The following APLN variants were observed in gnomAD, a reference collection of about 807,000 sequenced individuals.
APLN encodes the protein AGTRL1 ligand.
Under a neutral mutation model 4.3 loss-of-function variants are expected in APLN, and 2 were observed. The ratio of observed to expected loss-of-function variants is 0.46; its 90% CI spans 0.19 to 1.45. APLN has a LOEUF of 1.45. APLN is among the 40% of genes most tolerant of loss of function. The pLI is 0.25. For synonymous variants in APLN, 34 were observed against 30.4 expected (o/e 1.12, Z -0.38); for missense variants, 80 against 70.0 (o/e 1.14, Z -0.51).
At position 129,647,396 on chromosome X, in the gene APLN, A is replaced by G. The variant is rs1226555476; in HGVS notation, c.*527T>C. The G allele has an allele frequency of 1.6e-5, 4 of 256,068 alleles. No homozygotes were observed. The highest frequency in any genetic ancestry group is 4.4e-5 in the South Asian group (1 of 22,925). The allele number at this position is 256,068 out of a possible 1,213,427, so 21.1% of individuals were successfully genotyped here. A position where few individuals can be genotyped will look rare whatever the true frequency, so the allele number is the denominator to read the frequency against. ...CCACCCTGGCACTTCCATGCCCCCA[A>G]TGTGCCCTGTCTGGATCCCCGCAGC... On this transcript the variant is annotated 3_prime_UTR_variant, in exon 3 of 3. Coordinates refer to ENST00000429967, the MANE Select transcript of APLN (RefSeq NM_017413.5).
In APLN at chrX:129,647,692, C is replaced by G; in HGVS notation, c.*231G>C. ...TCTCCAAAGTCAGTCCAGGGAGGGGCCAGGAAGATGGACTGGACGGATTCT... is the reference window on the plus strand; with the variant it reads ...TCTCCAAAGTCAGTCCAGGGAGGGGGCAGGAAGATGGACTGGACGGATTCT... On this transcript the variant is annotated 3_prime_UTR_variant, in exon 3 of 3. Coordinates refer to ENST00000429967, the MANE Select transcript of APLN (RefSeq NM_017413.5). The G allele has an allele frequency of 1.0e-6, 1 of 982,651 alleles. No individual in the cohort carries two copies. Among genetic ancestry groups the G allele is most frequent in the South Asian group, 2.0e-5 (1 of 50,484 alleles). 81.0% of individuals were successfully genotyped at this position (982,651 alleles called of 1,213,427 possible).
At chrX:129,648,837 C>T (rs776151260) in intron 1 of APLN, 45 bp from the exon 2 acceptor site, 51 of 1,102,954 alleles carry the variant, frequency 4.6e-5, no homozygotes, top group South Asian at 1.5e-4. Flanking sequence ...TTGTTGGAAA[C>T]GGGCAGGGGC....
chrX:129,645,971 CT>C lies in APLN; in HGVS notation c.*1951del, dbSNP rs1482580496. 1 of 112,395 alleles carries C rather than the reference CT, an allele frequency of 8.9e-6. No homozygotes were observed. The highest frequency in any genetic ancestry group is 3.2e-5 in the African/African-American group (1 of 30,861). The allele number at this position is 112,395 out of a possible 1,213,427, so 9.3% of individuals were successfully genotyped here. On this transcript the variant is annotated 3_prime_UTR_variant, in exon 3 of 3. Transcript: ENST00000429967. ...AACCACTTTAAATAAGGCAGCCCCC[CT>C]AGCCCACCCACTACCCTCTTCTGTT...
At chrX:129,648,317 C>G (rs746976164) in intron 2 of APLN, among the ~76,000 whole-genome samples, 1 of 112,402 alleles carries the variant, frequency 8.9e-6, no homozygotes, top group Non-Finnish European at 1.9e-5. Context: ...CATTAAGGTC[C>G]ACCAGGATGT....
chrX:129,648,384 G>C (rs968806239), intron 2 of APLN, among the ~76,000 whole-genome samples: 7 of 112,604 alleles, frequency 6.2e-5, no homozygotes, highest in Non-Finnish European at 1.3e-4. Context: ...GTGGAAGGGA[G>C]ACTGGCCCCA....
chrX:129,654,457 T>A (rs1240089283), intron 1 of APLN, 107 bp downstream of exon 1: 1 of 767,126 alleles, frequency 1.3e-6, no homozygotes, highest in Non-Finnish European at 1.7e-6. Flanking sequence ...TGGCTGCTAC[T>A]GCACGGCTCG....
rs774968940 is a variant in APLN, at chrX:129,648,396, G to A, written c.*5+225C>T. 1.9e-3 allele frequency among the ~76,000 whole-genome samples: 216 copies of A among 112,604 alleles called. 1 individual carries two copies. Among genetic ancestry groups the A allele is most frequent in the Non-Finnish European group, 3.3e-3 (177 of 53,232 alleles). ...AGGGTGGAAGGGAGACTGGCCCCAA[G>A]TATCAAGCCCCTCTCTAGGCCTCAG... On this transcript the variant is annotated intron_variant, in intron 2 of 2. Coordinates refer to ENST00000429967, the MANE Select transcript of APLN (RefSeq NM_017413.5).
In APLN at chrX:129,648,760, G is replaced by C; in HGVS notation, c.100C>G (p.Leu34Val). 1 of 1,173,675 alleles carries C rather than the reference G, an allele frequency of 8.5e-7. No homozygotes were observed. The highest frequency in any genetic ancestry group is 1.9e-5 in the South Asian group (1 of 52,723). Residue 34 changes from leucine (L) to valine (V), a missense_variant, in exon 2 of 3, where the codon CTG becomes GTG. Coordinates refer to ENST00000429967, the MANE Select transcript of APLN (RefSeq NM_017413.5). ...SLMPLPDGNG[L>V]EDGNVRHLVQ... ...AGGTGGCGGACATTGCCGTCTTCCA[G>C]CCCATTCCCATCGGGAAGCGGCATC... is the stretch of plus-strand genomic sequence containing the variant.
chrX:129,651,920 C>T (rs895014428), intron 1 of APLN, among the ~76,000 whole-genome samples: 2 of 112,141 alleles, frequency 1.8e-5, no homozygotes, highest in Non-Finnish European at 3.8e-5. Context: ...GTCGCCTTCT[C>T]CAGGGCCCTG....
At chrX:129,653,146 C>T (rs1474968261) in intron 1 of APLN, among the ~76,000 whole-genome samples, 4 of 112,764 alleles carry the variant, frequency 3.5e-5, no homozygotes, top group Non-Finnish European at 7.5e-5. Flanking sequence ...TGGTGGCTCA[C>T]TTCGTGTTCA....
chrX:129,649,626 G>C (rs886732992), intron 1 of APLN, among the ~76,000 whole-genome samples: 2 of 112,002 alleles, frequency 1.8e-5, no homozygotes, highest in Non-Finnish European at 3.8e-5. Context: ...CTGTGCACCA[G>C]GAGGGGGGTG....
At chrX:129,654,492 A>G in intron 1 of APLN, 72 bp downstream of exon 1, 1 of 1,015,298 alleles carries the variant, frequency 9.8e-7, no homozygotes, top group Non-Finnish European at 1.3e-6. Context: ...GGAGGCGGGG[A>G]GAGTGCGAAT....
At chrX:129,648,473 C>G (rs1473666401) in intron 2 of APLN, 148 bp downstream of exon 2, 4 of 675,317 alleles carry the variant, frequency 5.9e-6, no homozygotes, top group African/African-American at 4.4e-5. Flanking sequence ...CCCATAAGCT[C>G]TCTTGCCAGC....
chrX:129,647,884 C>A lies in APLN; in HGVS notation c.*39G>T, dbSNP rs779376339. 2.0e-6 allele frequency: 2 copies of A among 983,036 alleles called. No individual in the cohort carries two copies. The highest frequency in any genetic ancestry group is 4.0e-5 in the South Asian group (2 of 50,525). 81.0% of individuals were successfully genotyped at this position (983,036 alleles called of 1,213,427 possible). On this transcript the variant is annotated 3_prime_UTR_variant, in exon 3 of 3. Coordinates refer to ENST00000429967, the MANE Select transcript of APLN (RefSeq NM_017413.5). ...GACCAATCTATGGAGGAGACATAACCGCCGGGGGTGGGCACTTGGGGGCCC... is the reference window on the plus strand; with the variant it reads ...GACCAATCTATGGAGGAGACATAACAGCCGGGGGTGGGCACTTGGGGGCCC...
rs190224032 is a variant in APLN, at chrX:129,654,000, G to A, written c.67+564C>T. On this transcript the variant is annotated intron_variant, in intron 1 of 2. Coordinates refer to ENST00000429967, the MANE Select transcript of APLN (RefSeq NM_017413.5). ...CTGCCTCTGCTCACACATGCAGGCC[G>A]AAAGGAGCAACAGCTGGGCTCCATG... Among the ~76,000 whole-genome samples, 8 of 112,487 alleles carry A rather than the reference G, an allele frequency of 7.1e-5. No homozygotes were observed. In the East Asian group the frequency reaches 1.7e-3, roughly 24 times the overall value.
chrX:129,654,069 C>G (rs765805651), intron 1 of APLN, among the ~76,000 whole-genome samples: 1 of 113,253 alleles, frequency 8.8e-6, no homozygotes, highest in African/African-American at 3.2e-5. Flanking sequence ...ACAAGTGTCA[C>G]GTCTGCATGT....
chrX:129,648,502 T>C, intron 2 of APLN, 119 bp downstream of exon 2: 1 of 867,629 alleles, frequency 1.2e-6, no homozygotes, highest in Non-Finnish European at 1.6e-6. Flanking sequence ...TCTGTGAGTG[T>C]GGCGCCAGGA....
rs1457299101 is a variant in APLN, at chrX:129,654,691, C to T, written c.-61G>A. 3.5e-5 allele frequency: 33 copies of T among 936,726 alleles called. No homozygotes were observed. The highest frequency in any genetic ancestry group is 6.3e-5 in the African/African-American group (3 of 47,800). The allele number at this position is 936,726 out of a possible 1,213,427, so 77.2% of individuals were successfully genotyped here. Reference sequence around the variant, plus strand: ...GCGCGGGGGAGGAGAGGTCGGGCGCCCGGAGGCCAAGAAAGGCGCGAGCCG... The same window carrying T: ...GCGCGGGGGAGGAGAGGTCGGGCGCTCGGAGGCCAAGAAAGGCGCGAGCCG... On this transcript the variant is annotated 5_prime_UTR_variant, in exon 1 of 3. Coordinates refer to ENST00000429967, the MANE Select transcript of APLN (RefSeq NM_017413.5).
chrX:129,652,285 C>T (rs1050224016), intron 1 of APLN, among the ~76,000 whole-genome samples: 9 of 111,186 alleles, frequency 8.1e-5, no homozygotes, highest in African/African-American at 3.0e-4. Context: ...GAGGAGTGTA[C>T]GTGGTGGTAG....
Sources: gnomAD v4.1 joint callset for allele counts (sites outside exome capture counted in the v4.1 genomes callset) on GRCh38, gnomAD v4.1.1 for gene constraint, MANE v1.5 for transcripts, NCBI Gene and HGNC (gene_info 2026-07-23, HGNC 2026-07-21) for gene names.